Variants in ZNF407 observed in about 807,000 individuals in gnomAD.
The protein encoded by ZNF407 is zinc finger protein 407.
In ZNF407, 17 loss-of-function variants were observed where a neutral mutation model predicts 131.2. That is an observed-to-expected ratio of 0.13 (90% CI 0.09 to 0.19). ZNF407 has a LOEUF of 0.19. ZNF407 is among the 10% of genes least tolerant of loss of function. ZNF407 has a pLI of 1.00. For missense variants in ZNF407, 2,681 were observed against 2,830.6 expected (o/e 0.95, Z 1.20); for synonymous variants, 1,156 against 1,062.0 (o/e 1.09, Z -1.72).
rs1309429589 is a variant in ZNF407 at position 74,633,942 on chromosome 18, C to T, written c.2923C>T (p.His975Tyr). 8.1e-6 allele frequency: 13 copies of T among 1,613,988 alleles called. No individual in the cohort carries two copies. Among genetic ancestry groups the T allele is most frequent in the Non-Finnish European group, 1.1e-5 (13 of 1,179,898 alleles). ...SIEAEVENVF[H>Y]SLDGEVNSHL... ...TGAAGCTGAAGTTGAAAATGTATTT[C>T]ATTCTCTAGATGGAGAAGTTAACAG... The change falls in exon 2 of 9, where the codon CAT (histidine) becomes TAT (tyrosine). Residue 975 changes from histidine (H) to tyrosine (Y), a missense_variant. By Grantham distance (83) the His-to-Tyr change is moderately conservative. Transcript: ENST00000299687.
At chr18:74,756,192 A>G (rs1037862863) in intron 3 of ZNF407, among the ~76,000 whole-genome samples, 1 of 152,058 alleles carries the variant, frequency 6.6e-6, no homozygotes, top group East Asian at 1.9e-4. Flanking sequence ...GCGCCTGGCC[A>G]TATATTTCAT....
intron 7 of ZNF407, among the ~76,000 whole-genome samples, chr18:74,909,121 G>A (rs1971634926): frequency 8.4e-5 from 1 of 11,852 alleles, no homozygotes; most frequent in African/African-American, 1.0e-4. Flanking sequence ...CTATAAACAG[G>A]CCAAAAAAAA....
intron 8 of ZNF407, among the ~76,000 whole-genome samples, chr18:74,951,144 A>AC (rs1972209150): frequency 6.6e-6 from 1 of 152,092 alleles, no homozygotes; most frequent in African/African-American, 2.4e-5. Flanking sequence ...CTACTGTGAT[A>AC]CCCCCAGTGC....
At chr18:74,769,570 T>C (rs1356209056) in intron 3 of ZNF407, among the ~76,000 whole-genome samples, 1 of 152,244 alleles carries the variant, frequency 6.6e-6, no homozygotes, top group Admixed American at 6.5e-5. Flanking sequence ...TTATAGTTTA[T>C]CACTAATACA....
At position 74,633,344 on chromosome 18, in the gene ZNF407, T is replaced by C. The variant is rs879117589; in HGVS notation, c.2325T>C (p.Ile775=). 1 of 1,613,520 alleles carries C rather than the reference T, an allele frequency of 6.2e-7. No homozygotes were observed. Among genetic ancestry groups the C allele is most frequent in the Non-Finnish European group, 8.5e-7 (1 of 1,179,828 alleles). ...NNIGLSFEEC[I]ERVCIGANDK... ...TTGGCTTAAGCTTTGAAGAATGTATTGAAAGGGTATGTATAGGTGCAAATG... is the reference window on the plus strand; with the variant it reads ...TTGGCTTAAGCTTTGAAGAATGTATCGAAAGGGTATGTATAGGTGCAAATG... Residue 775 remains isoleucine (I), a synonymous_variant, in exon 2 of 9, where the codon ATT becomes ATC. Coordinates refer to ENST00000299687, the MANE Select transcript of ZNF407 (RefSeq NM_017757.3).
intron 1 of ZNF407, among the ~76,000 whole-genome samples, chr18:74,627,892 C>T (rs1376432844): frequency 2.0e-5 from 2 of 99,236 alleles, no homozygotes; most frequent in Admixed American, 1.7e-4. Flanking sequence ...CTTTCTTTTT[C>T]GAGACAGGGT....
intron 7 of ZNF407, among the ~76,000 whole-genome samples, chr18:74,899,525 T>G (rs1971495682): frequency 6.6e-6 from 1 of 152,182 alleles, no homozygotes; most frequent in Non-Finnish European, 1.5e-5. Flanking sequence ...GATGAGCTGC[T>G]TATGAGATGC....
chr18:74,709,499 C>T (rs754026120), intron 3 of ZNF407, among the ~76,000 whole-genome samples: 3 of 152,096 alleles, frequency 2.0e-5, no homozygotes, highest in Non-Finnish European at 4.4e-5. Context: ...TATTAATGTA[C>T]AATGATTAAA....
chr18:74,711,405 G>T (rs1455707064), intron 3 of ZNF407, among the ~76,000 whole-genome samples: 1 of 152,190 alleles, frequency 6.6e-6, no homozygotes, highest in Non-Finnish European at 1.5e-5. Flanking sequence ...CCATAAATGT[G>T]GAAGAGGCTC....
chr18:74,644,935 A>T (rs771534498), intron 3 of ZNF407, among the ~76,000 whole-genome samples: 2 of 151,592 alleles, frequency 1.3e-5, no homozygotes, highest in South Asian at 2.1e-4. Flanking sequence ...TTCTCCTACC[A>T]TCCACTTTTA....
rs2145305171 is a variant in ZNF407 at position 74,972,909 on chromosome 18, T to G, written c.5428+52217T>G. ...TTTAAATCCTCTTTAACAATCTCTGTTATTAAGTTGGTATGTTTAACCACC... is the reference window on the plus strand; with the variant it reads ...TTTAAATCCTCTTTAACAATCTCTGGTATTAAGTTGGTATGTTTAACCACC... On this transcript the variant is annotated intron_variant, in intron 8 of 8. Coordinates refer to ENST00000299687, the MANE Select transcript of ZNF407 (RefSeq NM_017757.3). 1.3e-5 allele frequency among the ~76,000 whole-genome samples: 2 copies of G among 152,282 alleles called. 1 individual carries two copies. Among genetic ancestry groups the G allele is most frequent in the South Asian group, 4.1e-4 (2 of 4,824 alleles).
At chr18:75,014,071 TG>T (rs747467675) in intron 8 of ZNF407, among the ~76,000 whole-genome samples, 4 of 152,098 alleles carry the variant, frequency 2.6e-5, no homozygotes, top group Non-Finnish European at 4.4e-5. Context: ...TTGGGCAGTT[TG>T]GGGTAGCTTG....
At chr18:74,738,950 G>A (rs1968484516) in intron 3 of ZNF407, among the ~76,000 whole-genome samples, 1 of 152,094 alleles carries the variant, frequency 6.6e-6, no homozygotes, top group Admixed American at 6.5e-5. Context: ...TTTTATTAAT[G>A]TGTAACAACT....
At chr18:75,000,697 CA>C in intron 8 of ZNF407, among the ~76,000 whole-genome samples, 1 of 152,130 alleles carries the variant, frequency 6.6e-6, no homozygotes, top group Middle Eastern at 3.4e-3. Context: ...TTTTCTGCAT[CA>C]TTTTTATATA....
chr18:75,014,924 A>G (rs1468381394), intron 8 of ZNF407, among the ~76,000 whole-genome samples: 2 of 152,134 alleles, frequency 1.3e-5, no homozygotes, highest in African/African-American at 2.4e-5. Flanking sequence ...TAAGAAACAT[A>G]CATCATGTTA....
At chr18:74,867,949 G>C (rs2145168617) in intron 4 of ZNF407, among the ~76,000 whole-genome samples, 1 of 152,186 alleles carries the variant, frequency 6.6e-6, no homozygotes, top group South Asian at 2.1e-4. Context: ...AGAAAATAAT[G>C]TTACTAGAGT....
At chr18:74,949,709 C>T (rs990232766) in intron 8 of ZNF407, among the ~76,000 whole-genome samples, 2 of 151,942 alleles carry the variant, frequency 1.3e-5, no homozygotes, top group African/African-American at 4.8e-5. Flanking sequence ...TTATTTTTTA[C>T]AGGAGATTGG....
chr18:74,936,136 A>G (rs1053322441), intron 8 of ZNF407, among the ~76,000 whole-genome samples: 2 of 152,206 alleles, frequency 1.3e-5, no homozygotes, highest in Non-Finnish European at 2.9e-5. Context: ...TTTTAAAGAT[A>G]TTTGATGCTC....
chr18:75,058,131 G>T (rs1973582336), intron 8 of ZNF407, among the ~76,000 whole-genome samples: 1 of 152,104 alleles, frequency 6.6e-6, no homozygotes, highest in Admixed American at 6.6e-5. Context: ...CAAAGTCTCT[G>T]CAGCTTAACC....
Sources: gnomAD v4.1 joint callset for allele counts (sites outside exome capture counted in the v4.1 genomes callset) on GRCh38, gnomAD v4.1.1 for gene constraint, MANE v1.5 for transcripts, NCBI Gene and HGNC (gene_info 2026-07-23, HGNC 2026-07-21) for gene names.